The following CPLANE1 variants were observed in gnomAD, a reference collection of about 807,000 sequenced individuals.
CPLANE1 encodes the protein ciliogenesis and planar polarity effector complex subunit 1, also known as ciliogenesis and planar polarity effector 1.
In CPLANE1, 263 loss-of-function variants were observed where a neutral mutation model predicts 362.5. The observed-to-expected ratio is 0.73, with a 90% CI of 0.66 to 0.80. The LOEUF (loss-of-function observed/expected upper bound fraction) is 0.80, where lower values mean the gene tolerates loss of function less well. Ranked by LOEUF, CPLANE1 falls within the 30% of genes least tolerant of loss-of-function variation. The pLI, the probability that CPLANE1 is intolerant of heterozygous loss-of-function variation, is 0.00. For synonymous variants in CPLANE1, 1,212 were observed against 1,302.6 expected, an observed-to-expected ratio of 0.93 and a Z score of 1.50; for missense variants, 3,461 against 3,793.4, an observed-to-expected ratio of 0.91 and a Z score of 2.30.
intron 31 of CPLANE1, 65 bp downstream of exon 31, chr5:37,175,844 A>T: frequency 1.8e-6 from 2 of 1,108,052 alleles, no homozygotes; most frequent in Non-Finnish European, 2.7e-6. Context: ...CAGTCGGCAT[A>T]CTTTCACTCT....
At chr5:37,148,309 T>C in intron 42 of CPLANE1, 41 bp from the exon 43 acceptor site, 2 of 1,365,922 alleles carry the variant, frequency 1.5e-6, no homozygotes, top group Admixed American at 1.9e-5. Flanking sequence ...AGTAATACTT[T>C]GATAATTTCA....
chr5:37,152,021 T>C (rs1176075565), intron 42 of CPLANE1, among the ~76,000 whole-genome samples: 1 of 152,258 alleles, frequency 6.6e-6, no homozygotes, highest in East Asian at 1.9e-4. Flanking sequence ...TTAAATGTGT[T>C]AAATGTTTGG....
At chr5:37,140,399 C>T (rs779982794) in intron 44 of CPLANE1, 1 of 984,592 alleles carries the variant, frequency 1.0e-6, no homozygotes, top group Non-Finnish European at 1.2e-6. Flanking sequence ...TTTTCGTTCT[C>T]AGAATCTGGG....
chr5:37,077,472 T>C, the CPLANE1 span, among the ~76,000 whole-genome samples: 4 of 152,164 alleles, frequency 2.6e-5, no homozygotes, highest in Non-Finnish European at 5.9e-5. Flanking sequence ...TTGTCTCTTT[T>C]CCAATTCTCT....
Position 37,247,645 on chromosome 5 carries a change from T to C in CPLANE1, c.54A>G (p.Pro18=), listed in dbSNP as rs1740184107. 1 of 1,551,488 alleles carries C rather than the reference T, an allele frequency of 6.4e-7. No individual in the cohort carries two copies. Among genetic ancestry groups the C allele is most frequent in the Admixed American group, 2.0e-5 (1 of 50,952 alleles). ...TTCCCAACCAGGAGACACGTGGCCATGGTTTTTTCTGCTTAATACCTGTTG... is the reference window on the plus strand; with the variant it reads ...TTCCCAACCAGGAGACACGTGGCCACGGTTTTTTCTGCTTAATACCTGTTG... ...LTSTGIKQKK[P]WPRVSWLGKE... is the part of the protein sequence containing the mutation. The change falls in exon 2 of 53, where the codon CCA becomes CCG. Residue 18 remains proline, a synonymous_variant. Coordinates refer to ENST00000651892, the MANE Select transcript of CPLANE1 (RefSeq NM_001384732.1).
At chr5:37,103,310 A>C (rs1226161099), downstream of CPLANE1, among the ~76,000 whole-genome samples, 1 of 151,836 alleles carries the variant, frequency 6.6e-6, no homozygotes, top group Non-Finnish European at 1.5e-5. Context: ...ATGGGGCTTG[A>C]CTCTATCCAG....
chr5:37,186,177 G>A (rs1319344189), intron 24 of CPLANE1, 109 bp downstream of exon 24: 4 of 598,636 alleles, frequency 6.7e-6, no homozygotes, highest in African/African-American at 1.9e-5. Flanking sequence ...TCTCAAGGAA[G>A]AGGCAAAAAT....
Position 37,206,291 on chromosome 5 carries a change from C to G in CPLANE1, c.3055G>C (p.Val1019Leu). The G allele has an allele frequency of 6.4e-7, 1 of 1,551,750 alleles. No homozygotes were observed. The highest frequency in any genetic ancestry group is 8.7e-7 in the Non-Finnish European group (1 of 1,146,988). Residue 1019 changes from valine (V) to leucine (L), a missense_variant, in exon 17 of 53, where the codon GTG (valine) becomes CTG (leucine). Around this residue, in one of 2 missense-constraint regions of CPLANE1, gnomAD observed 3,380 missense variants for 3,666.1 expected, o/e 0.92. Transcript: ENST00000651892. ...TCTCCAAGTTTATATGCCAACCACA[C>G]AGCCTCTGGAACCAGGCCACCAATA... is the stretch of plus-strand genomic sequence containing the variant. ...LFIGGLVPEA[V>L]WLAYKLGDWK...
chr5:37,088,309 C>CA, the CPLANE1 span, among the ~76,000 whole-genome samples: 1 of 152,228 alleles, frequency 6.6e-6, no homozygotes, highest in African/African-American at 2.4e-5. Context: ...AAAGGAAAGG[C>CA]AGCCACAGTT....
the CPLANE1 span, among the ~76,000 whole-genome samples, chr5:37,091,272 G>A: frequency 1.3e-5 from 2 of 152,096 alleles, no homozygotes; most frequent in Admixed American, 1.3e-4. Context: ...CATCTAATTA[G>A]TGCACACACC....
chr5:37,168,738 G>GA (rs1269529654), intron 34 of CPLANE1, 53 bp downstream of exon 34: 109 of 1,460,528 alleles, frequency 7.5e-5, no homozygotes, highest in Non-Finnish European at 8.5e-5. Context: ...CTTATGGTAT[G>GA]AAAAAAATAG....
chr5:37,198,074 A>T (rs1023750682), intron 20 of CPLANE1, among the ~76,000 whole-genome samples: 1 of 152,244 alleles, frequency 6.6e-6, no homozygotes, highest in Non-Finnish European at 1.5e-5. Context: ...TTTGGAGATG[A>T]TGAAATTTAT....
At position 37,182,917 on chromosome 5, in the gene CPLANE1, T is replaced by G; in HGVS notation, c.5264A>C (p.Asn1755Thr). The change falls in exon 26 of 53, where the codon AAT becomes ACT. Residue 1755 changes from asparagine (N) to threonine (T), a missense_variant. Physicochemically the swap from Asn to Thr is moderately conservative, Grantham distance 65. Coordinates refer to ENST00000651892, the MANE Select transcript of CPLANE1 (RefSeq NM_001384732.1). ...ACCAGAATCACAGAGTAGCCTTCTA[T>G]TAGACCACCTTATCATCCATTCCAG... Reference protein sequence around the residue: ...RLLEWMIRWSNRRLLCDSGIT... With the variant: ...RLLEWMIRWSTRRLLCDSGIT... The G allele has an allele frequency of 6.2e-7, 1 of 1,605,914 alleles. No homozygotes were observed. The highest frequency in any genetic ancestry group is 8.5e-7 in the Non-Finnish European group (1 of 1,176,942).
At chr5:37,111,245 C>T (rs750632227) in intron 51 of CPLANE1, among the ~76,000 whole-genome samples, 6 of 151,880 alleles carry the variant, frequency 4.0e-5, no homozygotes, top group Non-Finnish European at 8.8e-5. Flanking sequence ...CTCAGCCTCC[C>T]GAGTAGCTGG....
chr5:37,169,167 A>G lies in CPLANE1; in HGVS notation c.6857T>C (p.Val2286Ala). ...AQTTPASHLN[V>A]SQYNTEARKK... ...TCTGGCTTCAGTGTTATACTGGCTT[A>G]CATTCAAATGGGATGCTGGAGTAGT... The change falls in exon 34 of 53, where the codon GTA becomes GCA. Residue 2286 changes from valine (V) to alanine (A), a missense_variant. Val to Ala is a moderately conservative substitution (Grantham distance 64, BLOSUM62 0). Transcript: ENST00000651892. 6.2e-7 allele frequency: 1 copy of G among 1,614,098 alleles called. No individual in the cohort carries two copies. Among genetic ancestry groups the G allele is most frequent in the East Asian group, 2.2e-5 (1 of 44,892 alleles).
chr5:37,236,917 T>C (rs1301236311), intron 8 of CPLANE1, among the ~76,000 whole-genome samples: 1 of 152,042 alleles, frequency 6.6e-6, no homozygotes, highest in African/African-American at 2.4e-5. Context: ...AAACAACATG[T>C]TGGCAAGTAT....
In CPLANE1 at chr5:37,138,747, A is replaced by AAC; in HGVS notation, c.8764_8765insGT (p.Leu2922CysfsTer2). The AAC allele has an allele frequency of 6.2e-7, 1 of 1,612,728 alleles. No individual in the cohort carries two copies. ...GGAGGTGCCCATAGCTTGTTCTGTTAAGCCAAGTTCTTCACTGGAAACTCC... is the reference window on the plus strand; with the variant it reads ...GGAGGTGCCCATAGCTTGTTCTGTTAACAGCCAAGTTCTTCACTGGAAACTCC... On this transcript the variant is annotated frameshift_variant, in exon 46 of 53. Transcript: ENST00000651892. LOFTEE classifies it high-confidence loss of function.
Position 37,186,366 on chromosome 5 carries a change from G to A in CPLANE1, c.4109C>T (p.Pro1370Leu). 6.2e-7 allele frequency: 1 copy of A among 1,600,152 alleles called. No individual in the cohort carries two copies. Among genetic ancestry groups the A allele is most frequent in the Non-Finnish European group, 8.6e-7 (1 of 1,168,886 alleles). ...AGGAACCCTCACGTCCTCAGGATAG[G>A]GAAATGCTTTCACGAAAATTTCTGC... ...KVAEIFVKAF[P>L]YPEDVRVPLR... The change falls in exon 24 of 53, where the codon CCC (proline) becomes CTC (leucine). Residue 1370 changes from proline to leucine, a missense_variant. By Grantham distance (98) the Pro-to-Leu change is moderately conservative. Around this residue, in one of 2 missense-constraint regions of CPLANE1, gnomAD observed 3,380 missense variants for 3,666.1 expected, o/e 0.92. Transcript: ENST00000651892.
chr5:37,221,235 C>T (rs1795288283), intron 15 of CPLANE1, 89 bp downstream of exon 15: 1 of 774,588 alleles, frequency 1.3e-6, no homozygotes, highest in Admixed American at 3.5e-5. Flanking sequence ...AGAAGGATTA[C>T]TTGAGCTCAG....
Sources: allele counts gnomAD v4.1 joint callset (sites outside exome capture counted in the v4.1 genomes callset), GRCh38; gene constraint gnomAD v4.1.1; regional missense constraint gnomAD v4.1.1; transcripts MANE v1.5; gene names NCBI Gene and HGNC (gene_info 2026-07-23, HGNC 2026-07-21).